DCHS2: variants seen among roughly 807,000 people sequenced by gnomAD.
DCHS2 encodes protocadherin-23.
A neutral mutation model predicts 182.4 loss-of-function variants in DCHS2; 142 were observed. That is an observed-to-expected ratio of 0.78 (90% confidence interval 0.68 to 0.89). The LOEUF (loss-of-function observed/expected upper bound fraction) is 0.89, where lower values mean the gene tolerates loss of function less well. DCHS2 is among the 40% of genes least tolerant of loss of function. The pLI is 0.00. For synonymous variants in DCHS2, 1,740 were observed against 1,663.3 expected (o/e 1.05, Z -1.12); for missense variants, 4,319 against 4,198.6 (o/e 1.03, Z -0.79).
intron 1 of DCHS2, among the ~76,000 whole-genome samples, chr4:154,415,573 T>C (rs1732797330): frequency 6.6e-6 from 1 of 152,202 alleles, no homozygotes; most frequent in African/African-American, 2.4e-5. Flanking sequence ...CAGATATTTA[T>C]CTTTGACTTC....
intron 1 of DCHS2, among the ~76,000 whole-genome samples, chr4:154,488,791 G>A (rs1385162885): frequency 1.3e-5 from 2 of 152,062 alleles, no homozygotes; most frequent in Non-Finnish European, 2.9e-5. Context: ...AGAATTGCTT[G>A]AGTCTGGGAA....
intron 1 of DCHS2, among the ~76,000 whole-genome samples, chr4:154,468,959 A>G (rs966309373): frequency 6.6e-6 from 1 of 152,172 alleles, no homozygotes; most frequent in African/African-American, 2.4e-5. Context: ...ATGTAAAGTG[A>G]TGAATATGTT....
intron 1 of DCHS2, among the ~76,000 whole-genome samples, chr4:154,442,855 A>G (rs1734095208): frequency 6.6e-6 from 1 of 152,064 alleles, no homozygotes. Context: ...ATCTGCATAG[A>G]TAACTCATCC....
At chr4:154,401,565 G>A (rs1732183977) in intron 1 of DCHS2, among the ~76,000 whole-genome samples, 1 of 152,154 alleles carries the variant, frequency 6.6e-6, no homozygotes, top group Non-Finnish European at 1.5e-5. Flanking sequence ...TTTTCTTAAT[G>A]ATGTCTTTTG....
chr4:154,259,837 T>G, intron 14 of DCHS2, 81 bp from the exon 15 acceptor site: 4 of 1,395,070 alleles, frequency 2.9e-6, no homozygotes. Context: ...ATTTATTTAG[T>G]TTTGAGACAG....
In DCHS2 at chr4:154,332,682, T is replaced by C; in HGVS notation, c.3526A>G (p.Thr1176Ala). 6.2e-7 allele frequency: 1 copy of C among 1,614,234 alleles called. No individual in the cohort carries two copies. The highest frequency in any genetic ancestry group is 8.5e-7 in the Non-Finnish European group (1 of 1,180,040). ...EDGFLQNVSTTVIVRVWDEND... is the reference protein window; with the variant it reads ...EDGFLQNVSTAVIVRVWDEND... ...TCATCCCAGACACGAACAATGACTG[T>C]AGTGCTCACATTTTGCAAGAATCCG... The change falls in exon 5 of 20, where the codon ACA becomes GCA. Residue 1176 changes from threonine (T) to alanine (A), a missense_variant. Transcript: ENST00000357232.
chr4:154,240,399 A>G (rs959449358), intron 18 of DCHS2, 138 bp downstream of exon 18: 1 of 1,026,598 alleles, frequency 9.7e-7, no homozygotes, highest in East Asian at 2.6e-5. Flanking sequence ...TTAAGTGTAA[A>G]ACCCGCAGCG....
intron 1 of DCHS2, among the ~76,000 whole-genome samples, chr4:154,386,820 A>G (rs916501504): frequency 6.6e-6 from 1 of 152,190 alleles, no homozygotes; most frequent in Non-Finnish European, 1.5e-5. Flanking sequence ...GGAAACACAT[A>G]AGAACAAGAT....
chr4:154,461,828 T>G lies in DCHS2; in HGVS notation c.2052+27476A>C, dbSNP rs555057646. Among the ~76,000 whole-genome samples the G allele has an allele frequency of 1.6e-4, 24 of 152,292 alleles. No individual in the cohort carries two copies. The South Asian group carries it at 5.0e-3, about 32-fold the overall frequency. On this transcript the variant is annotated intron_variant, in intron 1 of 19. Transcript: ENST00000357232. ...AACATAGAGCAAGAACCTGGACATT[T>G]TCAGTGGATTGTCCAAGGGATAGGT...
At chr4:154,433,736 G>T (rs1260703419) in intron 1 of DCHS2, among the ~76,000 whole-genome samples, 2 of 152,098 alleles carry the variant, frequency 1.3e-5, no homozygotes, top group African/African-American at 2.4e-5. Context: ...ATAATTTGTT[G>T]CATAGCCCTA....
chr4:154,263,149 T>A (rs1317618263), intron 14 of DCHS2, among the ~76,000 whole-genome samples: 2 of 152,148 alleles, frequency 1.3e-5, no homozygotes, highest in Non-Finnish European at 2.9e-5. Context: ...ATTATACATA[T>A]CAGTCTCACA....
intron 1 of DCHS2, among the ~76,000 whole-genome samples, chr4:154,410,197 A>G (rs1376130268): frequency 6.6e-6 from 1 of 152,264 alleles, no homozygotes; most frequent in East Asian, 1.9e-4. Context: ...TTGCCTGAAA[A>G]AAAATTTAAA....
chr4:154,324,005 C>G (rs1334362718), intron 7 of DCHS2, among the ~76,000 whole-genome samples: 4 of 152,122 alleles, frequency 2.6e-5, no homozygotes, highest in African/African-American at 9.7e-5. Context: ...TAAATAGAAA[C>G]TTTCAGAGGA....
chr4:154,278,912 C>G lies in DCHS2; in HGVS notation c.6464-8899G>C, dbSNP rs541023435. On this transcript the variant is annotated intron_variant, in intron 13 of 19. Transcript: ENST00000357232. The stretch of plus-strand genomic sequence containing the variant: ...TCCTTCAAGTTGAAACAAAAGGACA[C>G]TATACAGCAAATGAAAACACAAAAA... 1.1e-3 allele frequency among the ~76,000 whole-genome samples: 162 copies of G among 152,000 alleles called. 1 individual carries two copies. Among genetic ancestry groups the G allele is most frequent in the South Asian group, 1.9e-3 (9 of 4,818 alleles).
intron 1 of DCHS2, among the ~76,000 whole-genome samples, chr4:154,389,527 TATATATATAA>T (rs1233809286): frequency 2.7e-5 from 4 of 146,500 alleles, no homozygotes; most frequent in Admixed American, 1.4e-4. Flanking sequence ...TATATATATA[TATATATATAA>T]CCTTTTTTTA....
In DCHS2 at chr4:154,475,018, A is replaced by G. The variant is rs181964218; in HGVS notation, c.2052+14286T>C. 2.2e-4 allele frequency among the ~76,000 whole-genome samples: 34 copies of G among 152,264 alleles called. No individual in the cohort carries two copies. In the East Asian group the frequency reaches 5.6e-3, roughly 25 times the overall value. ...GACAATGAATCTAAAATCAAGTTAT[A>G]ATTTATATTATTTCTGATAATCTAA... is the stretch of plus-strand genomic sequence containing the variant. On this transcript the variant is annotated intron_variant, in intron 1 of 19. Transcript: ENST00000357232.
intron 1 of DCHS2, chr4:154,486,356 C>A: frequency 7.8e-7 from 1 of 1,276,168 alleles, no homozygotes; most frequent in Non-Finnish European, 1.0e-6. Context: ...GGACCCCAAA[C>A]ATTGGGGATG....
Position 154,234,820 on chromosome 4 carries a change from G to T in DCHS2, c.9832C>A (p.Pro3278Thr), listed in dbSNP as rs558427639. The change falls in exon 20 of 20, where the codon CCC becomes ACC. Residue 3278 changes from proline (P) to threonine (T), a missense_variant. Physicochemically the swap from Pro to Thr is conservative, Grantham distance 38 (BLOSUM62 -1). Coordinates refer to ENST00000357232, the MANE Select transcript of DCHS2 (RefSeq NM_001358235.2). The stretch of plus-strand genomic sequence containing the variant: ...TGGGCTACTGCTGTTATCAAAGGGG[G>T]TGGAAAAACAAAAGATTTCTTCTCT... ...PKEKKSFVFPPPLITAVAQPG... is the reference protein window; with the variant it reads ...PKEKKSFVFPTPLITAVAQPG... The T allele has an allele frequency of 1.2e-6, 2 of 1,613,940 alleles. No homozygotes were observed. The highest frequency in any genetic ancestry group is 2.7e-5 in the African/African-American group (2 of 74,906).
At chr4:154,381,352 C>T (rs942968848) in intron 1 of DCHS2, among the ~76,000 whole-genome samples, 2 of 151,972 alleles carry the variant, frequency 1.3e-5, no homozygotes, top group South Asian at 4.2e-4. Context: ...CCATTGTTAG[C>T]TTTCTGAGAT....
Sources: gnomAD v4.1 joint callset for allele counts (sites outside exome capture counted in the v4.1 genomes callset) on GRCh38, gnomAD v4.1.1 for gene constraint, MANE v1.5 for transcripts, NCBI Gene and HGNC (gene_info 2026-07-23, HGNC 2026-07-21) for gene names.